Variants in RNF150 observed in about 807,000 individuals in gnomAD.
RNF150 encodes the protein ring finger protein 150.
Under a neutral mutation model 39.3 loss-of-function variants are expected in RNF150, and 24 were observed. The observed-to-expected ratio is 0.61, with a 90% confidence interval of 0.44 to 0.86. RNF150 has a LOEUF of 0.86. RNF150 is among the 40% of genes least tolerant of loss of function. RNF150 has a pLI of 0.00. For synonymous variants in RNF150, 255 were observed against 227.3 expected (o/e 1.12, Z -1.10); for missense variants, 502 against 587.8 (o/e 0.85, Z 1.51).
intron 1 of RNF150, among the ~76,000 whole-genome samples, chr4:141,146,082 G>A (rs192125322): frequency 6.6e-6 from 1 of 152,276 alleles, no homozygotes; most frequent in African/African-American, 2.4e-5. Context: ...AAATATTTCC[G>A]GGACTTGGGA....
chr4:141,049,850 T>A (rs1736712150), intron 1 of RNF150, among the ~76,000 whole-genome samples: 2 of 152,088 alleles, frequency 1.3e-5, no homozygotes, highest in Non-Finnish European at 1.5e-5. Flanking sequence ...AGCATACTGA[T>A]GTAACTGAAT....
At chr4:141,006,871 C>T (rs1734889713) in intron 1 of RNF150, among the ~76,000 whole-genome samples, 1 of 152,110 alleles carries the variant, frequency 6.6e-6, no homozygotes, top group Non-Finnish European at 1.5e-5. Flanking sequence ...TTAGATATTT[C>T]CTCCTTTAAA....
chr4:141,150,065 G>C (rs893511560), intron 1 of RNF150, among the ~76,000 whole-genome samples: 1 of 152,174 alleles, frequency 6.6e-6, no homozygotes, highest in African/African-American at 2.4e-5. Context: ...AATTATCACT[G>C]AAGAGGGGTC....
intron 6 of RNF150, among the ~76,000 whole-genome samples, chr4:140,869,861 A>T (rs926341840): frequency 2.0e-5 from 3 of 152,032 alleles, no homozygotes; most frequent in South Asian, 2.1e-4. Flanking sequence ...ATATGGACAG[A>T]GGAGGCCAGA....
intron 6 of RNF150, among the ~76,000 whole-genome samples, chr4:140,906,030 A>T (rs1014991043): frequency 6.6e-6 from 1 of 152,150 alleles, no homozygotes; most frequent in Non-Finnish European, 1.5e-5. Flanking sequence ...TTTTTGAATT[A>T]CAAGGGAAAG....
chr4:140,996,569 G>T (rs776614563), intron 1 of RNF150, among the ~76,000 whole-genome samples: 16 of 152,108 alleles, frequency 1.1e-4, no homozygotes, highest in Non-Finnish European at 2.1e-4. Flanking sequence ...AACTGCTCTG[G>T]CTACTTCAAA....
chr4:141,173,024 C>T (rs1199151533), intron 1 of RNF150, among the ~76,000 whole-genome samples: 2 of 150,320 alleles, frequency 1.3e-5, no homozygotes, highest in Non-Finnish European at 3.0e-5. Context: ...GAAACTCCGT[C>T]TTAAAAAAAG....
chr4:141,000,001 AGAAGAAGAAGAAGAAGAAGAAGAAG>A (rs1560678859), intron 1 of RNF150, among the ~76,000 whole-genome samples: 22 of 30,342 alleles, frequency 7.3e-4, no homozygotes, highest in Admixed American at 1.6e-3. Context: ...GAAAAGAAGA[AGAAGAAGAAGAAGAAGAAGAAGAAG>A]AAGAAGAAGA....
chr4:141,120,353 G>A (rs1726568818), intron 1 of RNF150, among the ~76,000 whole-genome samples: 1 of 152,170 alleles, frequency 6.6e-6, no homozygotes, highest in African/African-American at 2.4e-5. Flanking sequence ...GGTGACTGAT[G>A]TAAATAAGAC....
intron 1 of RNF150, among the ~76,000 whole-genome samples, chr4:141,019,544 A>G (rs2110779871): frequency 6.6e-6 from 1 of 152,266 alleles, no homozygotes; most frequent in East Asian, 1.9e-4. Context: ...GATTAGAAGT[A>G]TGTGCTAAAC....
rs192852814 is a variant in RNF150, at chr4:140,937,988, G to A, written c.890+9666C>T. On this transcript the variant is annotated intron_variant, in intron 4 of 6. Transcript: ENST00000515673. ...TAATCAAGCCTATGTAACAGGCACCGCAGGGTAAAATCAGGACAGGTCATC... is the reference window on the plus strand; with the variant it reads ...TAATCAAGCCTATGTAACAGGCACCACAGGGTAAAATCAGGACAGGTCATC... 2.0e-3 allele frequency among the ~76,000 whole-genome samples: 304 copies of A among 152,260 alleles called. 1 individual carries two copies. The highest frequency in any genetic ancestry group is 4.8e-3 in the African/African-American group (199 of 41,548).
chr4:141,092,343 C>CA (rs34129355), intron 1 of RNF150, among the ~76,000 whole-genome samples: 21,656 of 136,550 alleles, frequency 0.16, 1,605 homozygotes, highest in Middle Eastern at 0.25. Flanking sequence ...ACTCCCTGTA[C>CA]AAAAAAAAAA....
chr4:141,192,456 T>A (rs570489494), intron 1 of RNF150, among the ~76,000 whole-genome samples: 3 of 152,184 alleles, frequency 2.0e-5, no homozygotes, highest in Admixed American at 1.3e-4. Context: ...AATAAATATA[T>A]AATGCTAATT....
rs1473597404 is a variant in RNF150, at chr4:140,865,130, GT to G, written c.*3130del. On this transcript the variant is annotated 3_prime_UTR_variant, in exon 7 of 7. Transcript: ENST00000515673. ...ATCCAAATTGAGAGGTGCTGTGAGTGTAAAAGACACAATGGATTTAGAAGAC... is the reference window on the plus strand; with the variant it reads ...ATCCAAATTGAGAGGTGCTGTGAGTGAAAAGACACAATGGATTTAGAAGAC... 6.6e-6 allele frequency: 1 copy of G among 152,136 alleles called. No homozygotes were observed. Among genetic ancestry groups the G allele is most frequent in the African/African-American group, 2.4e-5 (1 of 41,408 alleles). 9.4% of individuals were successfully genotyped at this position (152,136 alleles called of 1,614,324 possible). A position where few individuals can be genotyped will look rare whatever the true frequency, so the allele number is the denominator to read the frequency against.
intron 1 of RNF150, among the ~76,000 whole-genome samples, chr4:141,076,674 T>C (rs1737908251): frequency 6.6e-6 from 1 of 151,960 alleles, no homozygotes; most frequent in Non-Finnish European, 1.5e-5. Flanking sequence ...CTGACCATCT[T>C]TGAAAATTCT....
intron 1 of RNF150, among the ~76,000 whole-genome samples, chr4:141,066,652 C>A (rs536624226): frequency 6.6e-6 from 1 of 152,240 alleles, no homozygotes; most frequent in Admixed American, 6.5e-5. Flanking sequence ...TTTTGCAAAG[C>A]ATATTTTCCC....
At chr4:140,868,846 A>G (rs1728821073) in intron 6 of RNF150, among the ~76,000 whole-genome samples, 1 of 152,216 alleles carries the variant, frequency 6.6e-6, no homozygotes, top group African/African-American at 2.4e-5. Flanking sequence ...TCAATAGAAA[A>G]ATGGACAAAG....
At chr4:140,972,431 A>G (rs1054663618) in intron 1 of RNF150, among the ~76,000 whole-genome samples, 1 of 152,198 alleles carries the variant, frequency 6.6e-6, no homozygotes, top group South Asian at 2.1e-4. Flanking sequence ...ATGATTTAAT[A>G]TTAGAAAATA....
intron 1 of RNF150, among the ~76,000 whole-genome samples, chr4:141,201,017 C>T (rs1221463686): frequency 6.6e-6 from 1 of 151,876 alleles, no homozygotes; most frequent in Non-Finnish European, 1.5e-5. Flanking sequence ...TTCACTTGCC[C>T]ACAGAAACCA....
Sources: gnomAD v4.1 joint callset for allele counts (sites outside exome capture counted in the v4.1 genomes callset) on GRCh38, gnomAD v4.1.1 for gene constraint, MANE v1.5 for transcripts, NCBI Gene and HGNC (gene_info 2026-07-23, HGNC 2026-07-21) for gene names.